Variants in COL19A1 observed in about 807,000 individuals in gnomAD.
COL19A1 encodes collagen type XIX alpha 1 chain.
Under a neutral mutation model 190.2 loss-of-function variants are expected in COL19A1, and 159 were observed. That is an observed-to-expected ratio of 0.84 (90% CI 0.73 to 0.95). The LOEUF (loss-of-function observed/expected upper bound fraction) is 0.95. Among genes scored for constraint, COL19A1 ranks in the 40% least tolerant of loss-of-function variants. The pLI is 0.00. For missense variants in COL19A1, 1,418 were observed against 1,431.9 expected (o/e 0.99, Z 0.16); for synonymous variants, 509 against 458.9 (o/e 1.11, Z -1.39).
intron 2 of COL19A1, among the ~76,000 whole-genome samples, chr6:69,894,873 A>G (rs1769611257): frequency 6.6e-6 from 1 of 152,240 alleles, no homozygotes; most frequent in South Asian, 2.1e-4. Context: ...GCTTTACAGA[A>G]AAAATAAACA....
intron 10 of COL19A1, among the ~76,000 whole-genome samples, chr6:69,962,040 A>G (rs1473016331): frequency 1.3e-5 from 2 of 152,112 alleles, no homozygotes; most frequent in Non-Finnish European, 2.9e-5. Context: ...CAGGCCCTCC[A>G]TGGGTGGAGA....
At chr6:69,899,624 A>C (rs1210499600) in intron 3 of COL19A1, among the ~76,000 whole-genome samples, 1 of 152,154 alleles carries the variant, frequency 6.6e-6, no homozygotes, top group Non-Finnish European at 1.5e-5. Flanking sequence ...GTGAGAAGGA[A>C]GATGTCACCA....
intron 14 of COL19A1, among the ~76,000 whole-genome samples, chr6:70,047,165 A>G (rs1304369922): frequency 6.6e-6 from 1 of 152,122 alleles, no homozygotes; most frequent in African/African-American, 2.4e-5. Context: ...TAAAATAAAT[A>G]TGTTAACAAA....
chr6:70,087,215 T>A (rs542912764), intron 15 of COL19A1, among the ~76,000 whole-genome samples: 2 of 152,244 alleles, frequency 1.3e-5, no homozygotes, highest in East Asian at 3.9e-4. Context: ...TACATTCTAT[T>A]ATGGAGACAG....
chr6:70,042,514 G>T (rs1479361150), intron 14 of COL19A1, among the ~76,000 whole-genome samples: 4 of 152,186 alleles, frequency 2.6e-5, no homozygotes, highest in African/African-American at 9.6e-5. Context: ...TCTTTTTGCT[G>T]TGGAGGGTCT....
intron 10 of COL19A1, among the ~76,000 whole-genome samples, chr6:69,960,631 T>C (rs1774727046): frequency 6.9e-6 from 1 of 143,920 alleles, no homozygotes; most frequent in Non-Finnish European, 1.5e-5. Flanking sequence ...CACTTTTTTT[T>C]TTTTTTTTTT....
At chr6:70,115,293 GT>G (rs1305857952) in intron 16 of COL19A1, among the ~76,000 whole-genome samples, 1 of 152,182 alleles carries the variant, frequency 6.6e-6, no homozygotes, top group Non-Finnish European at 1.5e-5. Flanking sequence ...TACCATTCAT[GT>G]GGTTTGGGGA....
intron 7 of COL19A1, among the ~76,000 whole-genome samples, chr6:69,933,346 C>T (rs1772901471): frequency 6.6e-6 from 1 of 152,082 alleles, no homozygotes; most frequent in Admixed American, 6.6e-5. Context: ...AACTGCCTTC[C>T]CTATGTCCTG....
chr6:69,915,226 G>A (rs1013966513), intron 4 of COL19A1, among the ~76,000 whole-genome samples: 1 of 152,100 alleles, frequency 6.6e-6, no homozygotes, highest in Admixed American at 6.5e-5. Context: ...CTTCATTATT[G>A]TCTTTAAGTT....
intron 11 of COL19A1, among the ~76,000 whole-genome samples, chr6:69,982,372 CT>C (rs1776083488): frequency 6.6e-6 from 1 of 151,958 alleles, no homozygotes; most frequent in African/African-American, 2.4e-5. Context: ...TCCCCAGTAG[CT>C]AGGATTACAG....
chr6:70,000,475 A>G (rs1212731398), intron 11 of COL19A1, among the ~76,000 whole-genome samples: 1 of 152,324 alleles, frequency 6.6e-6, no homozygotes, highest in South Asian at 2.1e-4. Flanking sequence ...ACTAATTTAC[A>G]TTCCCACCAA....
At chr6:70,052,133 G>A (rs934002371) in intron 14 of COL19A1, among the ~76,000 whole-genome samples, 7 of 152,032 alleles carry the variant, frequency 4.6e-5, no homozygotes, top group African/African-American at 1.2e-4. Flanking sequence ...GTGTGTCTCC[G>A]ACTTTGGCCC....
rs190315703 is a variant in COL19A1 at position 69,890,975 on chromosome 6, G to A, written c.92-7973G>A. 241 of 240,892 alleles carry A rather than the reference G, an allele frequency of 1.0e-3. 2 individuals carry two copies. The highest frequency in any genetic ancestry group is 5.1e-3 in the African/African-American group (224 of 44,286). The allele number at this position is 240,892 out of a possible 1,614,324, so 14.9% of individuals were successfully genotyped here. On this transcript the variant is annotated intron_variant, in intron 2 of 50. Transcript: ENST00000620364. ...TTGCTGTTTTGGGGAAACGGAAGTC[G>A]GAGCTCCTTCAGAGGCCTATCTAAG...
chr6:69,952,604 G>A (rs1045317782), intron 9 of COL19A1, among the ~76,000 whole-genome samples: 3 of 151,874 alleles, frequency 2.0e-5, no homozygotes, highest in Non-Finnish European at 4.4e-5. Flanking sequence ...AAAATAGCTG[G>A]ACTAACTATC....
chr6:69,943,955 C>A (rs1325530560), intron 9 of COL19A1, among the ~76,000 whole-genome samples: 4 of 152,090 alleles, frequency 2.6e-5, no homozygotes, highest in Admixed American at 2.6e-4. Flanking sequence ...TAAGGTAAAC[C>A]CCAAAGCTCT....
chr6:69,900,358 C>A lies in COL19A1; in HGVS notation c.266+20C>A, dbSNP rs373156282. ...CACTATGTAAGTAAAAAATTATTTT[C>A]TTTATGTTTAATAATACTTCATAAA... On this transcript the variant is annotated intron_variant, in intron 4 of 50. Transcript: ENST00000620364. 2.4e-6 allele frequency: 3 copies of A among 1,271,508 alleles called. No individual in the cohort carries two copies. Among genetic ancestry groups the A allele is most frequent in the Non-Finnish European group, 3.3e-6 (3 of 922,362 alleles). 78.8% of individuals were successfully genotyped at this position (1,271,508 alleles called of 1,614,324 possible).
In COL19A1 at chr6:70,199,503, T is replaced by C. The variant is rs146955805; in HGVS notation, c.3095-105T>C. On this transcript the variant is annotated intron_variant, in intron 48 of 50. Transcript: ENST00000620364. ...AGTTGGTAAATTAGATGTGCTTAAA[T>C]TAAAAACTAAATCTTTTTGTTTGTT... 4.2e-4 allele frequency: 400 copies of C among 946,386 alleles called. 2 individuals are homozygous for C. In the African/African-American group the frequency reaches 5.8e-3, roughly 14 times the overall value. The allele number at this position is 946,386 out of a possible 1,614,324, so 58.6% of individuals were successfully genotyped here. A position where few individuals can be genotyped will look rare whatever the true frequency, so the allele number is the denominator to read the frequency against.
chr6:69,943,021 G>T (rs1353050200), intron 9 of COL19A1, among the ~76,000 whole-genome samples: 2 of 151,808 alleles, frequency 1.3e-5, no homozygotes, highest in African/African-American at 4.8e-5. Flanking sequence ...CCACTAAAAG[G>T]GTGCAAAAGT....
At chr6:70,021,892 G>C (rs1034038312) in intron 11 of COL19A1, among the ~76,000 whole-genome samples, 2 of 152,094 alleles carry the variant, frequency 1.3e-5, no homozygotes, top group Admixed American at 6.6e-5. Context: ...TCCATTTTTA[G>C]CTTAAAATCC....
Sources: allele counts gnomAD v4.1 joint callset (sites outside exome capture counted in the v4.1 genomes callset), GRCh38; gene constraint gnomAD v4.1.1; transcripts MANE v1.5; gene names NCBI Gene and HGNC (gene_info 2026-07-23, HGNC 2026-07-21).